GRM7: variants seen among roughly 807,000 people sequenced by gnomAD.
The protein encoded by GRM7 is glutamate metabotropic receptor 7.
In GRM7, 35 loss-of-function variants were observed where a neutral mutation model predicts 84.5. The ratio of observed to expected loss-of-function variants is 0.41; its 90% CI spans 0.32 to 0.55. The LOEUF (loss-of-function observed/expected upper bound fraction) is 0.55, where lower values mean the gene tolerates loss of function less well. Among genes scored for constraint, GRM7 ranks in the 20% least tolerant of loss-of-function variants. The pLI, the probability that GRM7 is intolerant of heterozygous loss-of-function variation, is 0.19. For synonymous variants in GRM7, 487 were observed against 455.1 expected, an observed-to-expected ratio of 1.07 and a Z score of -0.89; for missense variants, 1,003 against 1,194.6, an observed-to-expected ratio of 0.84 and a Z score of 2.36.
At chr3:7,294,573 AAAAG>A (rs1312220154) in intron 2 of GRM7, among the ~76,000 whole-genome samples, 1,522 of 94,438 alleles carry the variant, frequency 0.016, 38 homozygotes, top group African/African-American at 0.09. Flanking sequence ...CTAAAAAAAA[AAAAG>A]AAAAATGTTT....
At chr3:7,596,118 G>A (rs1696029945) in intron 8 of GRM7, among the ~76,000 whole-genome samples, 1 of 152,140 alleles carries the variant, frequency 6.6e-6, no homozygotes, top group South Asian at 2.1e-4. Context: ...GTTTGATTAG[G>A]GAGATGTGAA....
At chr3:7,271,563 A>T (rs1272096420) in intron 2 of GRM7, among the ~76,000 whole-genome samples, 2 of 3,816 alleles carry the variant, frequency 5.2e-4, no homozygotes, top group Non-Finnish European at 7.2e-4. Context: ...CGCCTCAAAT[A>T]AAAAAAAAAA....
intron 4 of GRM7, among the ~76,000 whole-genome samples, chr3:7,345,168 A>G (rs192161442): frequency 1.3e-5 from 2 of 152,268 alleles, no homozygotes; most frequent in East Asian, 1.9e-4. Flanking sequence ...TGAATTTTCC[A>G]TTATAAATAT....
chr3:6,998,937 G>T (rs1380520995), intron 1 of GRM7, among the ~76,000 whole-genome samples: 1 of 152,206 alleles, frequency 6.6e-6, no homozygotes, highest in Non-Finnish European at 1.5e-5. Context: ...TCTCTGACAT[G>T]CCCTAGAGAC....
intron 1 of GRM7, among the ~76,000 whole-genome samples, chr3:6,901,604 TAAAAAAAAAAAAAA>T (rs33945077): frequency 0.011 from 440 of 40,522 alleles, 10 homozygotes; most frequent in African/African-American, 0.03. Flanking sequence ...AGACTCCGTC[TAAAAAAAAAAAAAA>T]AAAAAAAAAA....
chr3:7,169,023 A>G (rs994831792), intron 2 of GRM7, among the ~76,000 whole-genome samples: 6 of 152,212 alleles, frequency 3.9e-5, no homozygotes, highest in African/African-American at 1.2e-4. Flanking sequence ...TAGAAACTTT[A>G]TAAACTGTTC....
At chr3:6,904,479 C>T (rs1325795164) in intron 1 of GRM7, among the ~76,000 whole-genome samples, 2 of 152,074 alleles carry the variant, frequency 1.3e-5, no homozygotes, top group African/African-American at 4.8e-5. Context: ...ATTCAGCAAG[C>T]TATATAAGAC....
At position 6,903,996 on chromosome 3, in the gene GRM7, C is replaced by T. The variant is rs557487821; in HGVS notation, c.519+42089C>T. On this transcript the variant is annotated intron_variant, in intron 1 of 9. Coordinates refer to ENST00000357716, the MANE Select transcript of GRM7 (RefSeq NM_000844.4). ...GTTTTCATTTAGATTTGTAGGTGTT[C>T]GTTTATGTTCAGATATAAATCCATT... Among the ~76,000 whole-genome samples the T allele has an allele frequency of 3.9e-5, 6 of 152,000 alleles. No homozygotes were observed. In the East Asian group the frequency reaches 9.7e-4, roughly 25 times the overall value.
chr3:7,346,371 T>C (rs756510091), intron 4 of GRM7, among the ~76,000 whole-genome samples: 1 of 152,178 alleles, frequency 6.6e-6, no homozygotes, highest in Non-Finnish European at 1.5e-5. Flanking sequence ...AAGGTCTTCA[T>C]GTTTTCAGCC....
At chr3:7,103,456 C>T (rs1176377055) in intron 1 of GRM7, among the ~76,000 whole-genome samples, 1 of 151,680 alleles carries the variant, frequency 6.6e-6, no homozygotes, top group Non-Finnish European at 1.5e-5. Flanking sequence ...CTGGAGTTCC[C>T]CCCACACAAA....
At chr3:7,330,664 C>T (rs7621363) in intron 4 of GRM7, among the ~76,000 whole-genome samples, 8,575 of 152,198 alleles carry the variant, frequency 0.056, 438 homozygotes, top group African/African-American at 0.14. Context: ...TCCTGCCTGC[C>T]GCCATGTAAG....
At chr3:7,256,589 T>C (rs1432994577) in intron 2 of GRM7, among the ~76,000 whole-genome samples, 1 of 152,034 alleles carries the variant, frequency 6.6e-6, no homozygotes, top group African/African-American at 2.4e-5. Context: ...ATTTTATCTG[T>C]GAAACTATAG....
intron 5 of GRM7, among the ~76,000 whole-genome samples, chr3:7,421,495 T>C (rs1559310372): frequency 6.6e-6 from 1 of 152,210 alleles, no homozygotes; most frequent in Non-Finnish European, 1.5e-5. Context: ...AAACCCCTTA[T>C]CCCACATGGT....
intron 1 of GRM7, among the ~76,000 whole-genome samples, chr3:6,895,116 G>T (rs1205042821): frequency 6.6e-6 from 1 of 152,118 alleles, no homozygotes; most frequent in African/African-American, 2.4e-5. Flanking sequence ...GATGAACCAG[G>T]TCACAGCTAT....
At chr3:7,199,469 T>C (rs971948436) in intron 2 of GRM7, among the ~76,000 whole-genome samples, 4 of 152,258 alleles carry the variant, frequency 2.6e-5, no homozygotes, top group Non-Finnish European at 2.9e-5. Context: ...TTATTTAAAC[T>C]ACTAAGCTCT....
At chr3:7,405,585 A>G (rs1695640147) in intron 4 of GRM7, among the ~76,000 whole-genome samples, 1 of 152,202 alleles carries the variant, frequency 6.6e-6, no homozygotes, top group East Asian at 1.9e-4. Flanking sequence ...ATAGATTTAT[A>G]GATTACATTT....
chr3:6,934,621 G>A (rs1381564064), intron 1 of GRM7, among the ~76,000 whole-genome samples: 1 of 152,132 alleles, frequency 6.6e-6, no homozygotes, highest in African/African-American at 2.4e-5. Context: ...CATGCTAGTG[G>A]AGAACAGATA....
intron 2 of GRM7, among the ~76,000 whole-genome samples, chr3:7,268,877 GT>G (rs1698744868): frequency 1.3e-5 from 2 of 152,140 alleles, no homozygotes; most frequent in African/African-American, 4.8e-5. Flanking sequence ...GTTTGATTTG[GT>G]GGACCGAGTC....
At chr3:7,514,447 A>G (rs891439812) in intron 7 of GRM7, among the ~76,000 whole-genome samples, 1 of 152,228 alleles carries the variant, frequency 6.6e-6, no homozygotes, top group African/African-American at 2.4e-5. Context: ...CACAAGCTAC[A>G]TTTTCAGAAG....
Sources: allele counts gnomAD v4.1 joint callset (sites outside exome capture counted in the v4.1 genomes callset), GRCh38; gene constraint gnomAD v4.1.1; transcripts MANE v1.5; gene names NCBI Gene and HGNC (gene_info 2026-07-23, HGNC 2026-07-21).